The following ALG5 variants were observed in gnomAD, a reference collection of about 807,000 sequenced individuals.
The protein encoded by ALG5 is dolichyl-phosphate beta-glucosyltransferase.
ALG5 carries 26 observed loss-of-function variants against 51.8 expected under a neutral mutation model. The ratio of observed to expected loss-of-function variants is 0.50; its 90% CI spans 0.37 to 0.70. The LOEUF (loss-of-function observed/expected upper bound fraction) is 0.70, where lower values mean the gene tolerates loss of function less well. Ranked by LOEUF, ALG5 falls within the 30% of genes least tolerant of loss-of-function variation. The probability of loss-of-function intolerance (pLI) is 0.00; values close to 1 mark genes in which losing one functional copy is unlikely to be tolerated. For missense variants in ALG5, 311 were observed against 399.3 expected (o/e 0.78, Z 1.88); for synonymous variants, 141 against 136.1 (o/e 1.04, Z -0.25).
At chr13:36,997,174 T>C (rs1321679554) in intron 1 of ALG5, among the ~76,000 whole-genome samples, 1 of 152,076 alleles carries the variant, frequency 6.6e-6, no homozygotes, top group Non-Finnish European at 1.5e-5. Context: ...AATGATCATA[T>C]TAAAGACAAG....
In ALG5 at chr13:36,971,975, A is replaced by G; in HGVS notation, c.621+2T>C. 1.2e-6 allele frequency: 2 copies of G among 1,604,218 alleles called. No individual in the cohort carries two copies. Among genetic ancestry groups the G allele is most frequent in the Non-Finnish European group, 1.7e-6 (2 of 1,174,500 alleles). On this transcript the variant is annotated splice_donor_variant, in intron 7 of 9. Transcript: ENST00000239891. LOFTEE classifies it high-confidence loss of function. ...GTCCCATGCCAATTAATGAAGTCTC[A>G]CCTGAGCAATTGATTCTTTTTCTAA...
chr13:36,960,680 T>C (rs1038704150), intron 8 of ALG5, among the ~76,000 whole-genome samples: 1 of 139,310 alleles, frequency 7.2e-6, no homozygotes, highest in Admixed American at 7.5e-5. Context: ...GCCTAGCTAA[T>C]AATTTGCTTT....
chr13:36,979,756 C>A (rs890503260), intron 6 of ALG5, among the ~76,000 whole-genome samples: 1 of 152,062 alleles, frequency 6.6e-6, no homozygotes, highest in Non-Finnish European at 1.5e-5. Context: ...ATGTCTAAAT[C>A]AGAATTTAAG....
At chr13:36,950,118 A>T (rs3818380) in intron 9 of ALG5, 61 bp from the exon 10 acceptor site, 4 of 1,049,894 alleles carry the variant, frequency 3.8e-6, no homozygotes, top group Admixed American at 2.0e-5. Context: ...AAAACGTATC[A>T]GTTTAAAGTC....
intron 5 of ALG5, among the ~76,000 whole-genome samples, chr13:36,987,709 G>T (rs371007176): frequency 2.6e-5 from 4 of 152,134 alleles, no homozygotes; most frequent in Admixed American, 2.6e-4. Context: ...TTATAGCAAT[G>T]TAAGAATGGC....
chr13:36,975,248 A>T (rs1050464163), intron 6 of ALG5, among the ~76,000 whole-genome samples: 1 of 152,020 alleles, frequency 6.6e-6, no homozygotes, highest in Non-Finnish European at 1.5e-5. Flanking sequence ...AATCCATACA[A>T]ATCAGTTGGT....
chr13:36,978,088 A>G (rs929705109), intron 6 of ALG5, among the ~76,000 whole-genome samples: 33 of 150,782 alleles, frequency 2.2e-4, no homozygotes, highest in African/African-American at 7.8e-4. Flanking sequence ...GGGTTTCACC[A>G]TGTTAGCCAG....
At chr13:36,995,719 T>TAAC (rs2059046582) in intron 1 of ALG5, 123 bp from the exon 2 acceptor site, 1 of 925,706 alleles carries the variant, frequency 1.1e-6, no homozygotes, top group East Asian at 2.7e-5. Flanking sequence ...AGGTTTTAGT[T>TAAC]CATTAACAAT....
chr13:36,986,771 T>TA (rs1488361560), intron 5 of ALG5, among the ~76,000 whole-genome samples: 2 of 151,848 alleles, frequency 1.3e-5, no homozygotes, highest in Admixed American at 6.6e-5. Context: ...CAAAAAAATT[T>TA]AAAAAATTAG....
chr13:36,970,069 C>T (rs910756186), intron 7 of ALG5, among the ~76,000 whole-genome samples: 1 of 148,920 alleles, frequency 6.7e-6, no homozygotes, highest in East Asian at 1.9e-4. Context: ...CATATATATA[C>T]TATTTTATAA....
At chr13:36,992,777 TA>T (rs1362068396) in intron 4 of ALG5, among the ~76,000 whole-genome samples, 1 of 152,234 alleles carries the variant, frequency 6.6e-6, no homozygotes, top group Non-Finnish European at 1.5e-5. Context: ...CCTCAGACTG[TA>T]AGACATTAAC....
At chr13:36,967,730 G>T in intron 7 of ALG5, 2 of 873,800 alleles carry the variant, frequency 2.3e-6, no homozygotes, top group African/African-American at 1.7e-5. Flanking sequence ...TCTCACAACA[G>T]CTTGCTCAGT....
chr13:36,968,976 T>C (rs1307985197), intron 7 of ALG5, among the ~76,000 whole-genome samples: 1 of 152,210 alleles, frequency 6.6e-6, no homozygotes, highest in Admixed American at 6.5e-5. Context: ...TCAAAGGTTA[T>C]CCCTTCTTTC....
chr13:36,992,992 C>T (rs1426693478), intron 4 of ALG5, among the ~76,000 whole-genome samples: 1 of 152,056 alleles, frequency 6.6e-6, no homozygotes, highest in Non-Finnish European at 1.5e-5. Context: ...CAAGGGCCAC[C>T]AAAAAAGTGC....
intron 1 of ALG5, among the ~76,000 whole-genome samples, chr13:36,998,021 T>G (rs2059059489): frequency 2.0e-5 from 3 of 152,176 alleles, no homozygotes; most frequent in Admixed American, 2.0e-4. Flanking sequence ...TAACTCCTAT[T>G]AAACCAAGTG....
At chr13:36,971,865 C>T (rs922526030) in intron 7 of ALG5, 112 bp downstream of exon 7, 9 of 700,620 alleles carry the variant, frequency 1.3e-5, no homozygotes, top group Non-Finnish European at 1.9e-5. Context: ...TTGAAAGGAA[C>T]CTCATGTTTA....
intron 8 of ALG5, among the ~76,000 whole-genome samples, chr13:36,957,671 A>G (rs1009323150): frequency 6.6e-6 from 1 of 152,112 alleles, no homozygotes; most frequent in Non-Finnish European, 1.5e-5. Flanking sequence ...TCTCCCCAAA[A>G]AGCGGGACTT....
chr13:36,990,778 C>A (rs1246298744), intron 4 of ALG5, among the ~76,000 whole-genome samples: 1 of 152,074 alleles, frequency 6.6e-6, no homozygotes, highest in East Asian at 1.9e-4. Flanking sequence ...ACCTGAGAAT[C>A]ATCTTCCATT....
chr13:36,992,987 G>A (rs1404280804), intron 4 of ALG5, among the ~76,000 whole-genome samples: 3 of 152,246 alleles, frequency 2.0e-5, no homozygotes, highest in Admixed American at 6.5e-5. Flanking sequence ...CAGGTCAAGG[G>A]CCACCAAAAA....
Sources: gnomAD v4.1 joint callset for allele counts (sites outside exome capture counted in the v4.1 genomes callset) on GRCh38, gnomAD v4.1.1 for gene constraint, MANE v1.5 for transcripts, NCBI Gene and HGNC (gene_info 2026-07-23, HGNC 2026-07-21) for gene names.